Variants in TMEM63C observed in about 807,000 individuals in gnomAD.
TMEM63C encodes the protein osmosensitive cation channel TMEM63C.
A neutral mutation model predicts 99.2 loss-of-function variants in TMEM63C; 32 were observed. That is an observed-to-expected ratio of 0.32 (90% confidence interval 0.24 to 0.43). TMEM63C has a LOEUF of 0.43. Ranked by LOEUF, TMEM63C falls within the 20% of genes least tolerant of loss-of-function variation. The pLI is 1.00. For missense variants in TMEM63C, 826 were observed against 1,053.0 expected (o/e 0.78, Z 2.98); for synonymous variants, 376 against 397.9 (o/e 0.94, Z 0.66).
Position 77,249,432 on chromosome 14 carries a change from T to C in TMEM63C, c.2012T>C (p.Met671Thr). The C allele has an allele frequency of 6.2e-7, 1 of 1,614,056 alleles. No individual in the cohort carries two copies. The highest frequency in any genetic ancestry group is 8.5e-7 in the Non-Finnish European group (1 of 1,179,898). ...IFAPLLGLFWMLFFSILRLGS... is the reference protein window; with the variant it reads ...IFAPLLGLFWTLFFSILRLGS... The stretch of plus-strand genomic sequence containing the variant: ...GCGCCACTCTTGGGTCTGTTCTGGA[T>C]GCTGTTCTTCTCCATCCTGCGGTTG... Residue 671 changes from methionine to threonine, a missense_variant, in exon 21 of 24, where the codon ATG (methionine) becomes ACG (threonine). By Grantham distance (81) the Met-to-Thr change is moderately conservative. Coordinates refer to ENST00000298351, the MANE Select transcript of TMEM63C (RefSeq NM_020431.4).
intron 16 of TMEM63C, among the ~76,000 whole-genome samples, chr14:77,245,714 C>T (rs530107712): frequency 9.2e-5 from 14 of 152,284 alleles, no homozygotes; most frequent in Admixed American, 3.9e-4. Context: ...GAGACTTATT[C>T]GCTATCATGA....
Position 77,239,769 on chromosome 14 carries a change from G to A in TMEM63C, c.930+43G>A, listed in dbSNP as rs766816137. ...TGGGAGCACAGCAAGGGAGCGGTGG[G>A]GTCCTGGGGCTCTAGGCTCTGTGCC... On this transcript the variant is annotated intron_variant, in intron 12 of 23. Transcript: ENST00000298351. 10 of 1,603,438 alleles carry A rather than the reference G, an allele frequency of 6.2e-6. No individual in the cohort carries two copies. The African/African-American group carries it at 1.1e-4, about 17-fold the overall frequency.
rs1360379829 is a variant in TMEM63C, at chr14:77,248,634, G to T, written c.1764+125G>T. ...GACGGTGTGGATGGGTGTTGGTGGGGCACCTTGGTCTACAGGGTTGGAAAG... is the reference window on the plus strand; with the variant it reads ...GACGGTGTGGATGGGTGTTGGTGGGTCACCTTGGTCTACAGGGTTGGAAAG... On this transcript the variant is annotated intron_variant, in intron 19 of 23. Transcript: ENST00000298351. 2.8e-5 allele frequency: 42 copies of T among 1,489,902 alleles called. 1 individual carries two copies. The highest frequency in any genetic ancestry group is 4.1e-5 in the African/African-American group (3 of 72,312). The allele number at this position is 1,489,902 out of a possible 1,614,324, so 92.3% of individuals were successfully genotyped here. A position where few individuals can be genotyped will look rare whatever the true frequency, so the allele number is the denominator to read the frequency against.
intron 10 of TMEM63C, among the ~76,000 whole-genome samples, chr14:77,239,174 T>C (rs1258187916): frequency 6.6e-6 from 1 of 152,206 alleles, no homozygotes; most frequent in Non-Finnish European, 1.5e-5. Context: ...GGTTCCCCAG[T>C]GGGTGGAGCT....
intron 18 of TMEM63C, among the ~76,000 whole-genome samples, chr14:77,247,609 G>A (rs189049041): frequency 1.3e-5 from 2 of 152,178 alleles, no homozygotes; most frequent in African/African-American, 2.4e-5. Context: ...AACTAGGGGG[G>A]ATCATTGACA....
chr14:77,241,215 T>C (rs915659553), intron 13 of TMEM63C, among the ~76,000 whole-genome samples: 4 of 152,128 alleles, frequency 2.6e-5, no homozygotes, highest in Non-Finnish European at 5.9e-5. Context: ...TCTCCCAAAG[T>C]GCTGGGATTA....
chr14:77,240,555 C>G lies in TMEM63C; in HGVS notation c.1011C>G (p.Leu337=). The G allele has an allele frequency of 6.2e-7, 1 of 1,611,846 alleles. No homozygotes were observed. Among genetic ancestry groups the G allele is most frequent in the Non-Finnish European group, 8.5e-7 (1 of 1,179,866 alleles). The change falls in exon 13 of 24, where the codon CTC becomes CTG. Residue 337 remains leucine (L), a synonymous_variant. Coordinates refer to ENST00000298351, the MANE Select transcript of TMEM63C (RefSeq NM_020431.4). ...ACGCCGAGCTCAACCGCGTGCCGCT[C>G]AAGCGGCTGGACCTGATCTTTGTCA... ...EFNAELNRVP[L]KRLDLIFVTF...
At chr14:77,248,325 T>A (rs74063865) in intron 18 of TMEM63C, 22 bp from the exon 19 acceptor site, 2 of 1,588,368 alleles carry the variant, frequency 1.3e-6, no homozygotes. Context: ...TGTTGCCACC[T>A]TCCCTCTCCC....
At chr14:77,241,498 G>T (rs1889175233) in intron 13 of TMEM63C, among the ~76,000 whole-genome samples, 1 of 152,070 alleles carries the variant, frequency 6.6e-6, no homozygotes, top group African/African-American at 2.4e-5. Context: ...AAGAACTGTG[G>T]GGGGCAGGGG....
chr14:77,192,850 G>A (rs1045373492), intron 1 of TMEM63C, among the ~76,000 whole-genome samples: 4 of 151,756 alleles, frequency 2.6e-5, no homozygotes, highest in African/African-American at 4.9e-5. Flanking sequence ...AGAGGAGGAG[G>A]AGGAAGGAGA....
At chr14:77,242,532 A>G in intron 14 of TMEM63C, 63 bp downstream of exon 14, 1 of 1,584,576 alleles carries the variant, frequency 6.3e-7, no homozygotes, top group South Asian at 1.2e-5. Context: ...AGGCAGCAGG[A>G]CAGGGCCTTC....
chr14:77,190,909 G>A (rs1339415219), intron 1 of TMEM63C, among the ~76,000 whole-genome samples: 1 of 152,000 alleles, frequency 6.6e-6, no homozygotes, highest in Non-Finnish European at 1.5e-5. Context: ...GGAAATGTAA[G>A]TTATAAAAGT....
At chr14:77,236,993 ACCCTCCTC>A (rs1889074183) in intron 9 of TMEM63C, among the ~76,000 whole-genome samples, 3 of 143,452 alleles carry the variant, frequency 2.1e-5, no homozygotes, top group Admixed American at 2.1e-4. Flanking sequence ...CCACCCTCTC[ACCCTCCTC>A]CACGCTGCTC....
intron 9 of TMEM63C, among the ~76,000 whole-genome samples, chr14:77,237,416 G>A (rs1027648418): frequency 2.0e-5 from 3 of 152,148 alleles, no homozygotes; most frequent in Admixed American, 6.5e-5. Flanking sequence ...TTGTTTATGG[G>A]AGGTGATCCC....
intron 13 of TMEM63C, 39 bp from the exon 14 acceptor site, chr14:77,242,308 C>A: frequency 6.3e-7 from 1 of 1,591,214 alleles, no homozygotes; most frequent in South Asian, 1.1e-5. Context: ...TCCCCCCACC[C>A]CCAGACCCAC....
intron 16 of TMEM63C, 94 bp downstream of exon 16, chr14:77,244,549 C>T: frequency 1.1e-6 from 1 of 944,012 alleles, no homozygotes; most frequent in Non-Finnish European, 1.7e-6. Flanking sequence ...GGCCTCCCCT[C>T]TAGCCTAAGA....
chr14:77,190,356 GC>G (rs1888082300), intron 1 of TMEM63C, among the ~76,000 whole-genome samples: 1 of 152,112 alleles, frequency 6.6e-6, no homozygotes, highest in Non-Finnish European at 1.5e-5. Flanking sequence ...CACAGATAAT[GC>G]CAATGTTATT....
intron 3 of TMEM63C, 122 bp from the exon 4 acceptor site, chr14:77,219,376 C>A: frequency 1.1e-6 from 1 of 947,476 alleles, no homozygotes; most frequent in Non-Finnish European, 1.7e-6. Context: ...AGCTCACCTT[C>A]TAGTGGAGGA....
intron 1 of TMEM63C, among the ~76,000 whole-genome samples, chr14:77,186,793 G>GTC (rs1555345697): frequency 3.3e-5 from 2 of 60,162 alleles, no homozygotes; most frequent in Non-Finnish European, 4.2e-5. Context: ...GTGTGTGTGT[G>GTC]TGTGTGTCTG....
Sources: gnomAD v4.1 joint callset for allele counts (sites outside exome capture counted in the v4.1 genomes callset) on GRCh38, gnomAD v4.1.1 for gene constraint, MANE v1.5 for transcripts, NCBI Gene and HGNC (gene_info 2026-07-23, HGNC 2026-07-21) for gene names.